Variants in DPP6 observed in about 807,000 individuals in gnomAD.
DPP6 encodes A-type potassium channel modulatory protein DPP6.
Under a neutral mutation model 122.6 loss-of-function variants are expected in DPP6, and 69 were observed. That is an observed-to-expected ratio of 0.56 (90% CI 0.46 to 0.69). DPP6 has a LOEUF of 0.69. Among genes scored for constraint, DPP6 ranks in the 30% least tolerant of loss-of-function variants. The pLI is 0.00. For synonymous variants in DPP6, 418 were observed against 433.1 expected (o/e 0.97, Z 0.43); for missense variants, 928 against 1,116.9 (o/e 0.83, Z 2.41).
At chr7:154,832,523 C>G (rs932922602) in intron 16 of DPP6, among the ~76,000 whole-genome samples, 1 of 152,180 alleles carries the variant, frequency 6.6e-6, no homozygotes, top group African/African-American at 2.4e-5. Flanking sequence ...AAGCCACCAC[C>G]CATTTTACAG....
chr7:153,861,784 T>G, the DPP6 span, among the ~76,000 whole-genome samples: 1 of 152,126 alleles, frequency 6.6e-6, no homozygotes, highest in South Asian at 2.1e-4. Flanking sequence ...AAAACCAAGC[T>G]CCACAGGAGC....
chr7:154,323,319 C>T (rs1026853214), intron 1 of DPP6, among the ~76,000 whole-genome samples: 1 of 149,156 alleles, frequency 6.7e-6, no homozygotes, highest in Non-Finnish European at 1.5e-5. Flanking sequence ...CTGTAGTTTG[C>T]ATTAAAAAAG....
rs1831523951 is a variant in DPP6 at position 154,575,352 on chromosome 7, TG to T, written c.627+8438del. Among the ~76,000 whole-genome samples, 14 of 26,466 alleles carry T rather than the reference TG, an allele frequency of 5.3e-4. 1 individual carries two copies. The highest frequency in any genetic ancestry group is 1.4e-3 in the African/African-American group (8 of 5,612). The allele number at this position is 26,466 out of a possible 152,430, so 17.4% of individuals were successfully genotyped here. On this transcript the variant is annotated intron_variant, in intron 5 of 25. Coordinates refer to ENST00000377770, the MANE Select transcript of DPP6 (RefSeq NM_130797.4). ...TGTGTGTGGTGTGTGTATGTGTGTG[TG>T]GTGTGTGTGTGATGTGTGTGTATGT...
At chr7:154,378,858 G>A (rs1007753797) in intron 1 of DPP6, among the ~76,000 whole-genome samples, 7 of 152,174 alleles carry the variant, frequency 4.6e-5, no homozygotes, top group African/African-American at 1.2e-4. Flanking sequence ...GAAAGAGAGC[G>A]AGTGAGGGGA....
At chr7:153,982,981 G>A (rs1242058487) in intron 1 of DPP6, among the ~76,000 whole-genome samples, 1 of 152,218 alleles carries the variant, frequency 6.6e-6, no homozygotes, top group Non-Finnish European at 1.5e-5. Flanking sequence ...GGTGTCTATC[G>A]ACCTCTGCTG....
chr7:153,913,214 A>G (rs1328909788), intron 1 of DPP6, among the ~76,000 whole-genome samples: 2 of 152,172 alleles, frequency 1.3e-5, no homozygotes, highest in African/African-American at 4.8e-5. Context: ...AGCCGGGATT[A>G]CAGGCAAGCA....
chr7:154,473,978 A>G (rs1822510412), intron 2 of DPP6, among the ~76,000 whole-genome samples: 1 of 152,214 alleles, frequency 6.6e-6, no homozygotes, highest in African/African-American at 2.4e-5. Context: ...AGCATCTTCT[A>G]TTTAAGAGGG....
At chr7:153,878,373 C>T in the DPP6 span, among the ~76,000 whole-genome samples, 1 of 146,740 alleles carries the variant, frequency 6.8e-6, no homozygotes, top group Non-Finnish European at 1.5e-5. Context: ...TAGTGCCTAT[C>T]CAAGCAAAAA....
chr7:154,163,102 G>A (rs1237401661), intron 1 of DPP6, among the ~76,000 whole-genome samples: 7 of 152,008 alleles, frequency 4.6e-5, no homozygotes, highest in Admixed American at 2.6e-4. Context: ...TCTGACTAGT[G>A]TTGAATGGAA....
At chr7:154,847,050 C>T (rs1801998297) in intron 16 of DPP6, among the ~76,000 whole-genome samples, 2 of 152,190 alleles carry the variant, frequency 1.3e-5, no homozygotes, top group Admixed American at 1.3e-4. Context: ...GAACAATCTT[C>T]TGCCTGCCTT....
chr7:154,491,187 C>T (rs1323095739), intron 3 of DPP6, among the ~76,000 whole-genome samples: 1 of 152,084 alleles, frequency 6.6e-6, no homozygotes, highest in Non-Finnish European at 1.5e-5. Flanking sequence ...ACTTATGTTC[C>T]TCAATAAAAC....
At chr7:154,768,667 A>G (rs1796054652) in intron 8 of DPP6, among the ~76,000 whole-genome samples, 1 of 152,196 alleles carries the variant, frequency 6.6e-6, no homozygotes, top group Admixed American at 6.5e-5. Context: ...ATCACACCCT[A>G]CAAAACTCAT....
intron 4 of DPP6, among the ~76,000 whole-genome samples, chr7:154,555,532 G>A (rs541085834): frequency 1.1e-4 from 17 of 152,026 alleles, no homozygotes; most frequent in African/African-American, 3.9e-4. Flanking sequence ...CGAGTTAATG[G>A]GTGCAGCACA....
chr7:153,801,641 C>G, the DPP6 span, among the ~76,000 whole-genome samples: 1 of 152,118 alleles, frequency 6.6e-6, no homozygotes, highest in Non-Finnish European at 1.5e-5. Context: ...AACAGAGGAG[C>G]CTCAGAGCCT....
intron 3 of DPP6, among the ~76,000 whole-genome samples, chr7:154,498,468 G>C (rs973470837): frequency 6.6e-6 from 1 of 152,140 alleles, no homozygotes; most frequent in Admixed American, 6.5e-5. Context: ...TTCCTGAGTA[G>C]CTGGGACTAC....
intron 1 of DPP6, chr7:154,059,557 G>T (rs1447434497): frequency 6.7e-6 from 1 of 150,170 alleles, no homozygotes; most frequent in Non-Finnish European, 1.5e-5. Context: ...GAGCTGTGGG[G>T]TTTTGTAGAC....
intron 1 of DPP6, among the ~76,000 whole-genome samples, chr7:154,244,977 G>A (rs2150882996): frequency 6.8e-6 from 1 of 148,124 alleles, no homozygotes; most frequent in Non-Finnish European, 1.5e-5. Context: ...TTGAGTTAGG[G>A]TCTTGCTCTA....
At chr7:154,687,669 A>T (rs1021155268) in intron 7 of DPP6, among the ~76,000 whole-genome samples, 1 of 152,150 alleles carries the variant, frequency 6.6e-6, no homozygotes, top group Non-Finnish European at 1.5e-5. Context: ...TTATTTTGAT[A>T]TTCTTTGGCA....
At chr7:153,772,530 C>G in the DPP6 span, among the ~76,000 whole-genome samples, 2 of 151,306 alleles carry the variant, frequency 1.3e-5, no homozygotes, top group Admixed American at 1.3e-4. Context: ...AAACAATAAG[C>G]AAAAATCAGA....
Sources: gnomAD v4.1 joint callset for allele counts (sites outside exome capture counted in the v4.1 genomes callset) on GRCh38, gnomAD v4.1.1 for gene constraint, MANE v1.5 for transcripts, NCBI Gene and HGNC (gene_info 2026-07-23, HGNC 2026-07-21) for gene names.